Variants in DPF3 observed in about 807,000 individuals in gnomAD.
DPF3 encodes the protein zinc finger protein DPF3.
Under a neutral mutation model 56.8 loss-of-function variants are expected in DPF3, and 18 were observed. The observed-to-expected ratio is 0.32, with a 90% confidence interval of 0.22 to 0.47. DPF3 has a LOEUF of 0.47. Ranked by LOEUF, DPF3 falls within the 20% of genes least tolerant of loss-of-function variation. The pLI is 1.00. For synonymous variants in DPF3, 188 were observed against 180.2 expected, an observed-to-expected ratio of 1.04 and a Z score of -0.35; for missense variants, 403 against 488.8, an observed-to-expected ratio of 0.82 and a Z score of 1.65.
At chr14:72,707,463 T>C (rs1349806901) in intron 6 of DPF3, among the ~76,000 whole-genome samples, 2 of 152,198 alleles carry the variant, frequency 1.3e-5, no homozygotes, top group African/African-American at 2.4e-5. Flanking sequence ...TAAACAGATA[T>C]TAGACTGTCT....
intron 1 of DPF3, among the ~76,000 whole-genome samples, chr14:72,808,257 T>C (rs1882879212): frequency 6.6e-6 from 1 of 152,032 alleles, no homozygotes; most frequent in African/African-American, 2.4e-5. Flanking sequence ...TGATGGATGG[T>C]CACATTAATA....
At chr14:72,863,041 C>A (rs7149630) in intron 1 of DPF3, among the ~76,000 whole-genome samples, 102,232 of 145,188 alleles carry the variant, frequency 0.7, 35,849 homozygotes, top group African/African-American at 0.78. Context: ...AATCTCCTTC[C>A]AGATATATTA....
chr14:72,720,917 T>C (rs1424002842), intron 5 of DPF3, among the ~76,000 whole-genome samples: 8 of 152,202 alleles, frequency 5.3e-5, no homozygotes. Context: ...TTAATTTTAA[T>C]AATATATTTT....
chr14:72,680,263 C>T (rs1887105101), intron 7 of DPF3, among the ~76,000 whole-genome samples: 1 of 152,182 alleles, frequency 6.6e-6, no homozygotes. Context: ...TTCACTGCTT[C>T]CCTAGAACTG....
In DPF3 at chr14:72,852,466, A is replaced by G. The variant is rs139858592; in HGVS notation, c.32+41591T>C. ...ACACACTCACACCCCCTTGCCTGAA[A>G]TGGGGAGAGGGGTGGGATCGGTGTG... On this transcript the variant is annotated intron_variant, in intron 1 of 10. Transcript: ENST00000556509. Among the ~76,000 whole-genome samples, 872 of 152,254 alleles carry G rather than the reference A, an allele frequency of 5.7e-3. 5 individuals carry two copies. Among genetic ancestry groups the G allele is most frequent in the Non-Finnish European group, 9.1e-3 (620 of 68,002 alleles).
At chr14:72,742,141 G>A (rs983772784) in intron 3 of DPF3, among the ~76,000 whole-genome samples, 1 of 152,162 alleles carries the variant, frequency 6.6e-6, no homozygotes, top group Non-Finnish European at 1.5e-5. Context: ...TGCCCACCTC[G>A]CTCCAGCTCC....
Position 72,610,315 on chromosome 14 carries a change from T to C in DPF3, c.*8982A>G, listed in dbSNP as rs1281043141. On this transcript the variant is annotated 3_prime_UTR_variant, in exon 11 of 11. Transcript: ENST00000556509. ...CTGAGCTTCCTCGTGGAGCAGCAGG[T>C]AGGCAGCTCATTCCCAGGGACCTGG... Among the ~76,000 whole-genome samples, 1 of 152,052 alleles carries C rather than the reference T, an allele frequency of 6.6e-6. No homozygotes were observed. The highest frequency in any genetic ancestry group is 1.5e-5 in the Non-Finnish European group (1 of 68,000).
intron 1 of DPF3, among the ~76,000 whole-genome samples, chr14:72,861,763 G>GAAAGAAAC (rs1885433666): frequency 6.9e-6 from 1 of 144,738 alleles, no homozygotes; most frequent in Non-Finnish European, 1.5e-5. Flanking sequence ...AAGAAAGAAA[G>GAAAGAAAC]AAAGAAAGAA....
chr14:72,686,858 A>G (rs1887433971), intron 7 of DPF3, among the ~76,000 whole-genome samples: 1 of 152,102 alleles, frequency 6.6e-6, no homozygotes, highest in Non-Finnish European at 1.5e-5. Flanking sequence ...CTTTTCAGTC[A>G]CCTTTCAGAG....
chr14:72,703,429 A>G (rs1888265116), intron 6 of DPF3, among the ~76,000 whole-genome samples: 1 of 152,056 alleles, frequency 6.6e-6, no homozygotes, highest in Admixed American at 6.5e-5. Flanking sequence ...AATTTACTAG[A>G]TGTGAGGAAG....
intron 8 of DPF3, among the ~76,000 whole-genome samples, chr14:72,666,879 C>T (rs1472238492): frequency 1.3e-5 from 2 of 152,178 alleles, no homozygotes; most frequent in African/African-American, 4.8e-5. Flanking sequence ...TGAGTCTGCT[C>T]CAATTTTAAG....
intron 9 of DPF3, among the ~76,000 whole-genome samples, chr14:72,628,214 T>C (rs961450935): frequency 6.6e-6 from 1 of 152,148 alleles, no homozygotes; most frequent in Non-Finnish European, 1.5e-5. Flanking sequence ...TTGTGCCTAG[T>C]GTTTTCCTCA....
chr14:72,743,600 CAAAAAAAA>C (rs57448538), intron 3 of DPF3, among the ~76,000 whole-genome samples: 1 of 141,750 alleles, frequency 7.1e-6, no homozygotes, highest in African/African-American at 2.6e-5. Context: ...TTTCTTCATT[CAAAAAAAA>C]AAAAAAAAGG....
intron 2 of DPF3, among the ~76,000 whole-genome samples, chr14:72,763,683 T>C (rs75586170): frequency 0.024 from 3,659 of 152,236 alleles, 73 homozygotes; most frequent in Non-Finnish European, 0.04. Flanking sequence ...GGTAGTAATT[T>C]CTCAGACATA....
At chr14:72,787,387 C>G (rs559891994) in intron 1 of DPF3, among the ~76,000 whole-genome samples, 1 of 152,336 alleles carries the variant, frequency 6.6e-6, no homozygotes, top group Admixed American at 6.5e-5. Flanking sequence ...CTCAAGCCCT[C>G]TGGGCCCAGG....
intron 1 of DPF3, among the ~76,000 whole-genome samples, chr14:72,772,908 G>C (rs1040433421): frequency 6.6e-5 from 10 of 152,136 alleles, no homozygotes; most frequent in Non-Finnish European, 1.5e-4. Context: ...GCAAAGGAGT[G>C]GAGTGTGGGA....
At chr14:72,811,188 C>T (rs188375267) in intron 1 of DPF3, among the ~76,000 whole-genome samples, 17 of 152,318 alleles carry the variant, frequency 1.1e-4, no homozygotes, top group East Asian at 3.9e-4. Context: ...CTAAGCCATT[C>T]GTGAGAGATC....
chr14:72,692,576 C>A lies in DPF3; in HGVS notation c.742+500G>T, dbSNP rs138841972. Reference sequence around the variant, plus strand: ...CAAAGAACATGGGGTCTCCAGGCAGCATTTCTAAGGCAGGAGAGCCCTGTA... The same window carrying A: ...CAAAGAACATGGGGTCTCCAGGCAGAATTTCTAAGGCAGGAGAGCCCTGTA... On this transcript the variant is annotated intron_variant, in intron 7 of 10. Coordinates refer to ENST00000556509, the MANE Select transcript of DPF3 (RefSeq NM_001280542.3). Among the ~76,000 whole-genome samples, 208 of 152,316 alleles carry A rather than the reference C, an allele frequency of 1.4e-3. 1 individual carries two copies. Among genetic ancestry groups the A allele is most frequent in the African/African-American group, 4.6e-3 (193 of 41,570 alleles).
intron 7 of DPF3, among the ~76,000 whole-genome samples, chr14:72,682,846 G>A (rs898203427): frequency 6.6e-6 from 1 of 152,190 alleles, no homozygotes; most frequent in Non-Finnish European, 1.5e-5. Flanking sequence ...ATGGGATAGA[G>A]CATTAGGAAA....
Sources: gnomAD v4.1 joint callset for allele counts (sites outside exome capture counted in the v4.1 genomes callset) on GRCh38, gnomAD v4.1.1 for gene constraint, MANE v1.5 for transcripts, NCBI Gene and HGNC (gene_info 2026-07-23, HGNC 2026-07-21) for gene names.